Variants in DPYD observed in about 807,000 individuals in gnomAD.
DPYD encodes the protein dihydropyrimidine dehydrogenase [NADP(+)].
In DPYD, 109 loss-of-function variants were observed where a neutral mutation model predicts 116.2. That is an observed-to-expected ratio of 0.94 (90% CI 0.80 to 1.10). The LOEUF is 1.10. Ranked by LOEUF, DPYD falls within the 50% of genes least tolerant of loss-of-function variation. The pLI, the probability that DPYD is intolerant of heterozygous loss-of-function variation, is 0.00. For missense variants in DPYD, 1,302 were observed against 1,254.5 expected (o/e 1.04, Z -0.57); for synonymous variants, 440 against 432.0 (o/e 1.02, Z -0.23).
intron 3 of DPYD, among the ~76,000 whole-genome samples, chr1:97,759,531 A>C (rs1665458389): frequency 6.6e-6 from 1 of 152,318 alleles, no homozygotes; most frequent in East Asian, 1.9e-4. Flanking sequence ...ACTTATCCAA[A>C]GTAACATTGA....
intron 18 of DPYD, among the ~76,000 whole-genome samples, chr1:97,241,092 G>T (rs1662308010): frequency 1.3e-5 from 2 of 151,956 alleles, no homozygotes; most frequent in Non-Finnish European, 2.9e-5. Flanking sequence ...AATTTTAGTT[G>T]AATTTTTTAT....
At chr1:97,411,161 T>C (rs1056500453) in intron 14 of DPYD, among the ~76,000 whole-genome samples, 1 of 152,190 alleles carries the variant, frequency 6.6e-6, no homozygotes, top group African/African-American at 2.4e-5. Flanking sequence ...TTCATTGCAC[T>C]TATCTGTCTC....
At chr1:97,165,571 T>C (rs1163686393) in intron 20 of DPYD, among the ~76,000 whole-genome samples, 1 of 150,070 alleles carries the variant, frequency 6.7e-6, no homozygotes, top group African/African-American at 2.5e-5. Context: ...AACTGACAAA[T>C]GGGAACTAAT....
chr1:97,767,864 CA>C (rs1665950513), intron 3 of DPYD, among the ~76,000 whole-genome samples: 1 of 143,786 alleles, frequency 7.0e-6, no homozygotes, highest in Admixed American at 7.3e-5. Flanking sequence ...GAATTAATTT[CA>C]GCAATCCTCT....
At chr1:97,178,012 T>C (rs1330724047) in intron 20 of DPYD, among the ~76,000 whole-genome samples, 1 of 152,104 alleles carries the variant, frequency 6.6e-6, no homozygotes, top group Non-Finnish European at 1.5e-5. Context: ...TTTTATTGCC[T>C]TCCAAAGGCC....
chr1:97,504,397 A>G (rs1474290730), intron 13 of DPYD, among the ~76,000 whole-genome samples: 1 of 152,014 alleles, frequency 6.6e-6, no homozygotes, highest in East Asian at 1.9e-4. Flanking sequence ...CTGTGGACCA[A>G]TTAAGGGACC....
chr1:97,596,286 G>A (rs1389757920), intron 8 of DPYD, among the ~76,000 whole-genome samples: 1 of 152,082 alleles, frequency 6.6e-6, no homozygotes, highest in Non-Finnish European at 1.5e-5. Flanking sequence ...TATAAACCAT[G>A]TAATCTAAAC....
chr1:97,424,337 G>C (rs932259700), intron 14 of DPYD, among the ~76,000 whole-genome samples: 9 of 152,098 alleles, frequency 5.9e-5, no homozygotes, highest in Admixed American at 3.9e-4. Context: ...GATGGAAACA[G>C]GGTAGAAATT....
intron 3 of DPYD, among the ~76,000 whole-genome samples, chr1:97,741,207 T>C (rs148437562): frequency 0.013 from 2,015 of 152,270 alleles, 21 homozygotes; most frequent in Middle Eastern, 0.024. Context: ...TTCCCATATT[T>C]GGGGAACTAG....
intron 16 of DPYD, among the ~76,000 whole-genome samples, chr1:97,369,899 A>G (rs1186866483): frequency 6.6e-6 from 1 of 152,200 alleles, no homozygotes; most frequent in Non-Finnish European, 1.5e-5. Context: ...AAAAGCGAGC[A>G]GCATTAGTTA....
intron 20 of DPYD, among the ~76,000 whole-genome samples, chr1:97,100,375 A>C (rs1275658463): frequency 6.6e-6 from 1 of 151,974 alleles, no homozygotes; most frequent in Non-Finnish European, 1.5e-5. Context: ...ACATGATATA[A>C]ATCTTCAGAA....
At chr1:97,832,814 T>C (rs1669600081) in intron 2 of DPYD, among the ~76,000 whole-genome samples, 1 of 152,084 alleles carries the variant, frequency 6.6e-6, no homozygotes, top group Non-Finnish European at 1.5e-5. Flanking sequence ...TCTATAAAAG[T>C]ATAATGAAAC....
At chr1:97,156,024 G>A (rs1435757263) in intron 20 of DPYD, among the ~76,000 whole-genome samples, 1 of 152,048 alleles carries the variant, frequency 6.6e-6, no homozygotes, top group African/African-American at 2.4e-5. Context: ...GATGTTGCTG[G>A]TTTGGGTACC....
intron 11 of DPYD, among the ~76,000 whole-genome samples, chr1:97,573,013 T>C (rs1053951986): frequency 1.3e-5 from 2 of 151,956 alleles, no homozygotes; most frequent in East Asian, 3.9e-4. Flanking sequence ...TATTTTCCCT[T>C]CAGAAAACAA....
intron 4 of DPYD, among the ~76,000 whole-genome samples, chr1:97,736,888 A>G (rs887645532): frequency 7.3e-5 from 6 of 81,930 alleles, no homozygotes; most frequent in Non-Finnish European, 1.3e-4. Flanking sequence ...GTGTGTGTGT[A>G]GGGCTTTATT....
intron 20 of DPYD, among the ~76,000 whole-genome samples, chr1:97,149,642 A>C (rs1654877745): frequency 6.6e-6 from 1 of 152,204 alleles, no homozygotes; most frequent in Non-Finnish European, 1.5e-5. Context: ...TTAGCTACAT[A>C]ATTTGGGGAC....
At chr1:97,108,313 G>A (rs1276350544) in intron 20 of DPYD, among the ~76,000 whole-genome samples, 2 of 152,004 alleles carry the variant, frequency 1.3e-5, no homozygotes, top group Non-Finnish European at 2.9e-5. Flanking sequence ...TTTTCTCACC[G>A]GTAACATGAG....
intron 20 of DPYD, among the ~76,000 whole-genome samples, chr1:97,117,715 A>T (rs921369143): frequency 6.6e-6 from 1 of 152,190 alleles, no homozygotes; most frequent in Non-Finnish European, 1.5e-5. Context: ...ATTTAGTATT[A>T]AAGTTGGTCA....
chr1:97,419,489 A>G (rs1179892253), intron 14 of DPYD, among the ~76,000 whole-genome samples: 1 of 152,200 alleles, frequency 6.6e-6, no homozygotes, highest in African/African-American at 2.4e-5. Context: ...AGGCACCGAT[A>G]TTCCAATTTT....
Sources: gnomAD v4.1 joint callset for allele counts (sites outside exome capture counted in the v4.1 genomes callset) on GRCh38, gnomAD v4.1.1 for gene constraint, MANE v1.5 for transcripts, NCBI Gene and HGNC (gene_info 2026-07-23, HGNC 2026-07-21) for gene names.